HMCN1: variants seen among roughly 807,000 people sequenced by gnomAD.
The protein encoded by HMCN1 is hemicentin-1.
A neutral mutation model predicts 625.9 loss-of-function variants in HMCN1; 321 were observed. The ratio of observed to expected loss-of-function variants is 0.51; its 90% CI spans 0.47 to 0.56. HMCN1 has a LOEUF of 0.56. HMCN1 is among the 20% of genes least tolerant of loss of function. HMCN1 has a pLI of 0.00. For synonymous variants in HMCN1, 2,425 were observed against 2,417.6 expected (o/e 1.00, Z -0.09); for missense variants, 6,588 against 6,887.3 (o/e 0.96, Z 1.54).
rs907408879 is a variant in HMCN1, at chr1:186,015,572, TG to T, written c.4909+136del. 8 of 892,616 alleles carry T rather than the reference TG, an allele frequency of 9.0e-6. No individual in the cohort carries two copies. In the African/African-American group the frequency reaches 1.0e-4, roughly 11 times the overall value. The allele number at this position is 892,616 out of a possible 1,614,324, so 55.3% of individuals were successfully genotyped here. A position where few individuals can be genotyped will look rare whatever the true frequency, so the allele number is the denominator to read the frequency against. ...TGCATGGATAGGAATTGGAAGAATT[TG>T]TTCCATGATTTGGAAAAATATTTTT... On this transcript the variant is annotated intron_variant, in intron 31 of 106. Transcript: ENST00000271588.
At chr1:186,107,186 C>T (rs951725454) in intron 70 of HMCN1, among the ~76,000 whole-genome samples, 6 of 151,976 alleles carry the variant, frequency 3.9e-5, no homozygotes, top group African/African-American at 7.2e-5. Context: ...CCTGGGTTCA[C>T]GCCATTCTCC....
Position 186,067,871 on chromosome 1 carries a change from C to A in HMCN1, c.7743C>A (p.Asn2581Lys). The change falls in exon 50 of 107, where the codon AAC (asparagine) becomes AAA (lysine). Residue 2581 changes from asparagine (N) to lysine (K), a missense_variant. Physicochemically the swap from Asn to Lys is moderately conservative, Grantham distance 94 (BLOSUM62 0). Around this residue, in one of 3 missense-constraint regions of HMCN1, gnomAD observed 4,628 missense variants for 4,853.1 expected, o/e 0.95. Coordinates refer to ENST00000271588, the MANE Select transcript of HMCN1 (RefSeq NM_031935.3). ...PTIAGVGSDG[N>K]PEDVTVILNS... ...TTGCTGGTGTAGGTAGTGATGGCAA[C>A]CCTGAAGATGTCACTGTCATCCTTA... The A allele has an allele frequency of 6.2e-7, 1 of 1,613,130 alleles. No homozygotes were observed. The highest frequency in any genetic ancestry group is 8.5e-7 in the Non-Finnish European group (1 of 1,179,212).
At chr1:185,977,510 T>C (rs1481329327) in intron 15 of HMCN1, among the ~76,000 whole-genome samples, 1 of 152,186 alleles carries the variant, frequency 6.6e-6, no homozygotes, top group Non-Finnish European at 1.5e-5. Flanking sequence ...TGAAAGATTC[T>C]CTTTATTTAA....
At position 186,137,514 on chromosome 1, in the gene HMCN1, C is replaced by T; in HGVS notation, c.13599C>T (p.Ser4533=). Residue 4533 remains serine, a synonymous_variant, in exon 88 of 107, where the codon TCC becomes TCT. Coordinates refer to ENST00000271588, the MANE Select transcript of HMCN1 (RefSeq NM_031935.3). Reference sequence around the variant, plus strand: ...TATTTGCAGTTCATGGTGGATTTTCCCAGTGGTCTGCATGGAGAGCCTGCA... The same window carrying T: ...TATTTGCAGTTCATGGTGGATTTTCTCAGTGGTCTGCATGGAGAGCCTGCA... ...PVIVQVHGGF[S]QWSAWRACSV... 6.2e-7 allele frequency: 1 copy of T among 1,613,518 alleles called. No homozygotes were observed. The highest frequency in any genetic ancestry group is 1.7e-5 in the Admixed American group (1 of 59,898).
chr1:186,040,954 C>G (rs1394318284), intron 39 of HMCN1, 59 bp from the exon 40 acceptor site: 1 of 1,585,552 alleles, frequency 6.3e-7, no homozygotes, highest in African/African-American at 1.3e-5. Context: ...GAGAAAAAAT[C>G]TATTACACCT....
intron 93 of HMCN1, among the ~76,000 whole-genome samples, chr1:186,150,958 TTAA>T (rs952506882): frequency 1.3e-5 from 2 of 152,152 alleles, no homozygotes; most frequent in Non-Finnish European, 2.9e-5. Flanking sequence ...TTATGAAATA[TTAA>T]TAACACTATG....
At chr1:186,173,518 A>G (rs1652361934) in intron 102 of HMCN1, among the ~76,000 whole-genome samples, 1 of 151,770 alleles carries the variant, frequency 6.6e-6, no homozygotes, top group Non-Finnish European at 1.5e-5. Context: ...GCGCATGCCT[A>G]TAGTCCCAGC....
chr1:185,911,423 A>G (rs1666414249), intron 5 of HMCN1, among the ~76,000 whole-genome samples: 1 of 152,202 alleles, frequency 6.6e-6, no homozygotes, highest in South Asian at 2.1e-4. Context: ...AGAAATAAAT[A>G]AAATAATGTT....
chr1:185,885,677 G>A (rs1664601483), intron 4 of HMCN1, among the ~76,000 whole-genome samples: 1 of 151,960 alleles, frequency 6.6e-6, no homozygotes, highest in South Asian at 2.1e-4. Context: ...ATCACTGTAT[G>A]TCTATAACTA....
chr1:186,134,218 A>G (rs941350630), intron 86 of HMCN1, among the ~76,000 whole-genome samples: 2 of 152,198 alleles, frequency 1.3e-5, no homozygotes, highest in African/African-American at 4.8e-5. Context: ...AAATTAATTC[A>G]ATTGAAGTAT....
intron 1 of HMCN1, among the ~76,000 whole-genome samples, chr1:185,833,519 T>A (rs1660999087): frequency 6.6e-6 from 1 of 152,164 alleles, no homozygotes; most frequent in Non-Finnish European, 1.5e-5. Flanking sequence ...ATTTTTTTAG[T>A]TGATTTTTTG....
chr1:185,743,251 AT>A (rs1402474509), intron 1 of HMCN1, among the ~76,000 whole-genome samples: 1 of 152,206 alleles, frequency 6.6e-6, no homozygotes, highest in Non-Finnish European at 1.5e-5. Flanking sequence ...TTCTCTGGGT[AT>A]TTTTATCCTG....
At chr1:185,835,417 G>A (rs540618102) in intron 1 of HMCN1, among the ~76,000 whole-genome samples, 5 of 152,006 alleles carry the variant, frequency 3.3e-5, no homozygotes, top group African/African-American at 1.2e-4. Flanking sequence ...TTGCCGCAGT[G>A]CATTGGTGAC....
Position 186,095,270 on chromosome 1 carries a change from G to T in HMCN1, c.10322G>T (p.Gly3441Val). 1 of 1,613,652 alleles carries T rather than the reference G, an allele frequency of 6.2e-7. No homozygotes were observed. Among genetic ancestry groups the T allele is most frequent in the Non-Finnish European group, 8.5e-7 (1 of 1,179,782 alleles). ...FAPPNMDNSM[G>V]TEEITVLKGS... is the part of the protein sequence containing the mutation. ...CCACCAAATATGGACAATTCAATGG[G>T]GACAGAGGAAATCACAGTTCTCAAA... Residue 3441 changes from glycine to valine, a missense_variant, in exon 68 of 107, where the codon GGG becomes GTG. By Grantham distance (109) the Gly-to-Val change is moderately radical (BLOSUM62 -3). Around this residue, in one of 3 missense-constraint regions of HMCN1, gnomAD observed 4,628 missense variants for 4,853.1 expected, o/e 0.95. Coordinates refer to ENST00000271588, the MANE Select transcript of HMCN1 (RefSeq NM_031935.3).
chr1:186,119,262 G>C lies in HMCN1; in HGVS notation c.11920G>C (p.Gly3974Arg). The C allele has an allele frequency of 6.2e-7, 1 of 1,613,862 alleles. No homozygotes were observed. Among genetic ancestry groups the C allele is most frequent in the Non-Finnish European group, 8.5e-7 (1 of 1,179,820 alleles). ...CACTTGTGTCGCTAGGAATGCGGCT[G>C]GCTCTGCACATCGACACGTGACCCT... ...RYTCVARNAA[G>R]SAHRHVTLHV... Residue 3974 changes from glycine to arginine, a missense_variant, in exon 78 of 107, where the codon GGC becomes CGC. Physicochemically the swap from Gly to Arg is moderately radical, Grantham distance 125. Transcript: ENST00000271588.
At chr1:186,121,850 G>C (rs192819386) in intron 80 of HMCN1, among the ~76,000 whole-genome samples, 100 of 152,256 alleles carry the variant, frequency 6.6e-4, no homozygotes, top group African/African-American at 2.2e-3. Flanking sequence ...TTGTTTCAAG[G>C]TCTGAGAAAG....
At chr1:185,958,607 G>A (rs1158172285) in intron 11 of HMCN1, among the ~76,000 whole-genome samples, 3 of 152,134 alleles carry the variant, frequency 2.0e-5, no homozygotes, top group East Asian at 1.9e-4. Flanking sequence ...GTTACATCGT[G>A]CCTACTACAT....
chr1:185,766,809 T>C (rs1172233343), intron 1 of HMCN1, among the ~76,000 whole-genome samples: 1 of 151,424 alleles, frequency 6.6e-6, no homozygotes, highest in Non-Finnish European at 1.5e-5. Flanking sequence ...ATACAAGGAA[T>C]CTAGGAACCC....
intron 4 of HMCN1, among the ~76,000 whole-genome samples, chr1:185,874,240 G>A (rs1178592520): frequency 2.6e-5 from 4 of 151,926 alleles, no homozygotes; most frequent in Non-Finnish European, 4.4e-5. Flanking sequence ...AAAATATTAA[G>A]TTGCAAATGC....
Sources: gnomAD v4.1 joint callset for allele counts (sites outside exome capture counted in the v4.1 genomes callset) on GRCh38, gnomAD v4.1.1 for gene constraint, gnomAD v4.1.1 regional missense constraint, MANE v1.5 for transcripts, NCBI Gene and HGNC (gene_info 2026-07-23, HGNC 2026-07-21) for gene names.